Variants in VAC14 observed in about 807,000 individuals in gnomAD.
The protein encoded by VAC14 is protein VAC14 homolog.
In VAC14, 47 loss-of-function variants were observed where a neutral mutation model predicts 85.3. The observed-to-expected ratio is 0.55, with a 90% CI of 0.44 to 0.70. The LOEUF (loss-of-function observed/expected upper bound fraction) is 0.70, where lower values mean the gene tolerates loss of function less well. VAC14 is among the 30% of genes least tolerant of loss of function. The probability of loss-of-function intolerance (pLI) is 0.00; values close to 1 mark genes in which losing one functional copy is unlikely to be tolerated. For missense variants in VAC14, 861 were observed against 1,004.3 expected (o/e 0.86, Z 1.93); for synonymous variants, 447 against 430.5 (o/e 1.04, Z -0.47).
intron 13 of VAC14, among the ~76,000 whole-genome samples, chr16:70,741,931 C>A (rs962426865): frequency 5.9e-5 from 9 of 152,332 alleles, no homozygotes; most frequent in Non-Finnish European, 1.3e-4. Context: ...GCAGGGCCCA[C>A]CAGGGACCCC....
chr16:70,702,072 G>A (rs574826072), intron 14 of VAC14, among the ~76,000 whole-genome samples: 2 of 152,350 alleles, frequency 1.3e-5, no homozygotes, highest in South Asian at 2.1e-4. Context: ...CAAGAAGCAA[G>A]GGTCTCCCGA....
chr16:70,706,588 T>C (rs2053924472), intron 14 of VAC14, among the ~76,000 whole-genome samples: 1 of 152,230 alleles, frequency 6.6e-6, no homozygotes, highest in Non-Finnish European at 1.5e-5. Context: ...CTTAGCTCAC[T>C]GCAACCTCTG....
intron 9 of VAC14, chr16:70,779,058 AC>A (rs1309548901): frequency 7.9e-5 from 12 of 152,298 alleles, no homozygotes; most frequent in Admixed American, 2.6e-4. Context: ...CGGGAATCGA[AC>A]CCGGGCCTCC....
At chr16:70,731,104 C>G (rs2054577389) in intron 14 of VAC14, among the ~76,000 whole-genome samples, 1 of 152,222 alleles carries the variant, frequency 6.6e-6, no homozygotes, top group South Asian at 2.1e-4. Context: ...AGCCTGGCTC[C>G]ACCAAGCCTG....
chr16:70,761,448 C>G (rs978290259), intron 12 of VAC14, among the ~76,000 whole-genome samples: 35 of 152,212 alleles, frequency 2.3e-4, no homozygotes, highest in Non-Finnish European at 5.9e-5. Context: ...TGAGATGCAG[C>G]CTGAAGAGCT....
intron 2 of VAC14, 28 bp from the exon 3 acceptor site, chr16:70,785,897 A>G (rs1197910524): frequency 6.3e-7 from 1 of 1,589,756 alleles, no homozygotes; most frequent in South Asian, 1.1e-5. Flanking sequence ...GAGAAGACAG[A>G]TCAGAATGGG....
At chr16:70,795,335 AC>A (rs1218156121) in intron 1 of VAC14, among the ~76,000 whole-genome samples, 5 of 151,794 alleles carry the variant, frequency 3.3e-5, no homozygotes, top group African/African-American at 1.2e-4. Context: ...ACAAAAAACA[AC>A]CAAAAAAATT....
At chr16:70,695,745 G>T in intron 16 of VAC14, 122 bp from the exon 17 acceptor site, 1 of 899,714 alleles carries the variant, frequency 1.1e-6, no homozygotes, top group Non-Finnish European at 1.7e-6. Flanking sequence ...GGTGAAGCAG[G>T]ATTTGGCGCA....
chr16:70,692,087 C>T (rs2053607898), intron 18 of VAC14: 1 of 980,540 alleles, frequency 1.0e-6, no homozygotes, highest in East Asian at 1.2e-4. Flanking sequence ...TGCCAAATGC[C>T]TGTGGATGAG....
intron 1 of VAC14, among the ~76,000 whole-genome samples, chr16:70,793,854 C>T (rs565522627): frequency 5.3e-5 from 8 of 152,372 alleles, no homozygotes; most frequent in African/African-American, 1.7e-4. Context: ...TGATCTTATA[C>T]ATAGCACACG....
At chr16:70,779,848 T>C (rs2033719120) in intron 9 of VAC14, among the ~76,000 whole-genome samples, 1 of 151,960 alleles carries the variant, frequency 6.6e-6, no homozygotes, top group African/African-American at 2.4e-5. Flanking sequence ...TTTTCTTTTT[T>C]TTTTGAGATA....
chr16:70,737,433 T>C (rs1342195226), intron 13 of VAC14, among the ~76,000 whole-genome samples: 2 of 152,156 alleles, frequency 1.3e-5, no homozygotes, highest in African/African-American at 4.8e-5. Flanking sequence ...AGACAGGCTC[T>C]CTTTGAGGGG....
At chr16:70,784,372 T>A in intron 4 of VAC14, 152 bp from the exon 5 acceptor site, 1 of 641,172 alleles carries the variant, frequency 1.6e-6, no homozygotes, top group Non-Finnish European at 2.7e-6. Flanking sequence ...TCTGGAGTAT[T>A]CATCCTGTCC....
chr16:70,784,257 A>C, intron 4 of VAC14, 37 bp from the exon 5 acceptor site: 1 of 1,574,236 alleles, frequency 6.4e-7, no homozygotes, highest in Non-Finnish European at 8.7e-7. Flanking sequence ...CGAGAGCCCG[A>C]GACCAGGGCT....
Position 70,687,636 on chromosome 16 carries a change from T to G in VAC14, c.*292A>C. ...GGCAAGCTCTTTTTCCAAGAGGGTA[T>G]TAGAAAGAGGTTGATTCCAGAGGAT... On this transcript the variant is annotated 3_prime_UTR_variant, in exon 19 of 19. Transcript: ENST00000261776. 3.2e-6 allele frequency: 1 copy of G among 308,424 alleles called. No individual in the cohort carries two copies. The allele number at this position is 308,424 out of a possible 1,614,324, so 19.1% of individuals were successfully genotyped here.
intron 17 of VAC14, 67 bp downstream of exon 17, chr16:70,695,477 T>C: frequency 6.5e-7 from 1 of 1,542,166 alleles, no homozygotes; most frequent in South Asian, 1.1e-5. Flanking sequence ...GGAGCTTGAC[T>C]TCACCCACCC....
chr16:70,753,011 G>GTGT (rs1555521573), intron 12 of VAC14, among the ~76,000 whole-genome samples: 2,309 of 143,034 alleles, frequency 0.016, 19 homozygotes, highest in Middle Eastern at 0.056. Flanking sequence ...AGGAGGAGGG[G>GTGT]GTGTGTGTGT....
intron 9 of VAC14, among the ~76,000 whole-genome samples, chr16:70,777,222 G>C (rs894898697): frequency 4.6e-5 from 7 of 152,186 alleles, no homozygotes; most frequent in Non-Finnish European, 7.3e-5. Context: ...TGGGATTACA[G>C]GCATGAGTCA....
intron 18 of VAC14, chr16:70,691,785 G>T: frequency 1.0e-6 from 1 of 985,442 alleles, no homozygotes; most frequent in Non-Finnish European, 1.2e-6. Context: ...AGCCATCCGA[G>T]GGCCAGTCTG....
Sources: gnomAD v4.1 joint callset for allele counts (sites outside exome capture counted in the v4.1 genomes callset) on GRCh38, gnomAD v4.1.1 for gene constraint, MANE v1.5 for transcripts, NCBI Gene and HGNC (gene_info 2026-07-23, HGNC 2026-07-21) for gene names.